Variants in KHDRBS2 observed in about 807,000 individuals in gnomAD.
The protein encoded by KHDRBS2 is KH RNA binding domain containing, signal transduction associated 2, also known as KH domain-containing, RNA-binding, signal transduction-associated protein 2.
A neutral mutation model predicts 44.3 loss-of-function variants in KHDRBS2; 26 were observed. That is an observed-to-expected ratio of 0.59 (90% CI 0.43 to 0.81). The LOEUF (loss-of-function observed/expected upper bound fraction) is 0.81. Among genes scored for constraint, KHDRBS2 ranks in the 40% least tolerant of loss-of-function variants. The pLI, the probability that KHDRBS2 is intolerant of heterozygous loss-of-function variation, is 0.00. For synonymous variants in KHDRBS2, 194 were observed against 151.1 expected (o/e 1.28, Z -2.08); for missense variants, 476 against 433.1 (o/e 1.10, Z -0.88).
At chr6:62,016,557 T>A (rs1478409671) in intron 3 of KHDRBS2, among the ~76,000 whole-genome samples, 1 of 149,086 alleles carries the variant, frequency 6.7e-6, no homozygotes, top group Non-Finnish European at 1.5e-5. Context: ...TATATTTATA[T>A]AAATATAAGA....
chr6:62,063,214 G>A (rs1471950595), intron 2 of KHDRBS2, among the ~76,000 whole-genome samples: 2 of 132,902 alleles, frequency 1.5e-5, no homozygotes, highest in Non-Finnish European at 3.4e-5. Context: ...GGAGGAACTG[G>A]TACCATTCCT....
intron 4 of KHDRBS2, among the ~76,000 whole-genome samples, chr6:61,952,919 C>A (rs901357732): frequency 2.0e-5 from 3 of 152,024 alleles, no homozygotes; most frequent in Non-Finnish European, 2.9e-5. Flanking sequence ...CACATTCTGT[C>A]TTGGGGAGCT....
chr6:62,138,168 C>T (rs567159399), intron 2 of KHDRBS2, among the ~76,000 whole-genome samples: 1 of 152,192 alleles, frequency 6.6e-6, no homozygotes, highest in Non-Finnish European at 1.5e-5. Context: ...CAATAACCTT[C>T]TGTCTTCCTT....
chr6:62,020,994 G>A (rs550323036), intron 3 of KHDRBS2, among the ~76,000 whole-genome samples: 2 of 152,070 alleles, frequency 1.3e-5, no homozygotes, highest in South Asian at 4.1e-4. Context: ...GTTCATCAAT[G>A]TTAGACTGTA....
Position 62,212,192 on chromosome 6 carries a change from C to A in KHDRBS2, c.92-34880G>T, listed in dbSNP as rs1437000736. 3.3e-5 allele frequency among the ~76,000 whole-genome samples: 5 copies of A among 152,100 alleles called. No individual in the cohort carries two copies. The East Asian group carries it at 5.8e-4, about 18-fold the overall frequency. ...AAATTCAATGTAGAACTTTCATCTC[C>A]TATATATGTTACATATATAGGTAGG... On this transcript the variant is annotated intron_variant, in intron 1 of 8. Transcript: ENST00000281156.
chr6:62,063,070 C>G (rs1049973465), intron 2 of KHDRBS2, among the ~76,000 whole-genome samples: 1 of 142,988 alleles, frequency 7.0e-6, no homozygotes, highest in Non-Finnish European at 1.5e-5. Flanking sequence ...TCTCCCAAGA[C>G]TAAACCAGGA....
intron 2 of KHDRBS2, among the ~76,000 whole-genome samples, chr6:62,113,121 A>G (rs1805403046): frequency 1.3e-5 from 2 of 152,140 alleles, no homozygotes; most frequent in South Asian, 2.1e-4. Flanking sequence ...AATTTAAGCC[A>G]AGGGAACTGT....
chr6:61,603,051 T>A, the KHDRBS2 span, among the ~76,000 whole-genome samples: 4 of 152,064 alleles, frequency 2.6e-5, no homozygotes, highest in South Asian at 8.3e-4. Flanking sequence ...CCCCTTACCA[T>A]CCCATTAAAA....
In KHDRBS2 at chr6:62,201,034, A is replaced by G. The variant is rs187529415; in HGVS notation, c.92-23722T>C. 9.5e-3 allele frequency among the ~76,000 whole-genome samples: 1,450 copies of G among 152,270 alleles called. 14 individuals are homozygous for G. The highest frequency in any genetic ancestry group is 0.017 in the Non-Finnish European group (1,133 of 68,016). Reference sequence around the variant, plus strand: ...CTCACTCATAGGTGGGACTTGAACAATGAGAACACATGGACACAGGAAGGG... The same window carrying G: ...CTCACTCATAGGTGGGACTTGAACAGTGAGAACACATGGACACAGGAAGGG... On this transcript the variant is annotated intron_variant, in intron 1 of 8. Transcript: ENST00000281156.
At chr6:61,734,878 A>G (rs952061381) in intron 6 of KHDRBS2, among the ~76,000 whole-genome samples, 11 of 152,176 alleles carry the variant, frequency 7.2e-5, no homozygotes, top group East Asian at 1.9e-4. Flanking sequence ...CATGGAGACT[A>G]TCACCTGAAG....
At chr6:61,858,414 C>T (rs932479136) in intron 6 of KHDRBS2, among the ~76,000 whole-genome samples, 1 of 151,510 alleles carries the variant, frequency 6.6e-6, no homozygotes, top group African/African-American at 2.4e-5. Context: ...TTTTATTTCT[C>T]AATATTAGTT....
chr6:61,650,035 C>T, the KHDRBS2 span, among the ~76,000 whole-genome samples: 1 of 152,132 alleles, frequency 6.6e-6, no homozygotes, highest in East Asian at 1.9e-4. Context: ...AGTTGCTCAC[C>T]AGTGTCCAGC....
At chr6:62,125,513 C>T (rs1011731297) in intron 2 of KHDRBS2, among the ~76,000 whole-genome samples, 7 of 152,158 alleles carry the variant, frequency 4.6e-5, no homozygotes, top group South Asian at 2.1e-4. Context: ...AGATACTAGC[C>T]GGGGCAGCCA....
At chr6:61,700,013 C>T (rs1768399642) in intron 7 of KHDRBS2, among the ~76,000 whole-genome samples, 1 of 151,824 alleles carries the variant, frequency 6.6e-6, no homozygotes, top group East Asian at 1.9e-4. Context: ...AACTCAGAGT[C>T]CTCATATAGG....
intron 6 of KHDRBS2, among the ~76,000 whole-genome samples, chr6:61,849,013 G>A (rs1414851296): frequency 2.0e-5 from 3 of 151,996 alleles, no homozygotes; most frequent in Non-Finnish European, 4.4e-5. Context: ...CAGGGCAACA[G>A]CTACCCAAAG....
the KHDRBS2 span, among the ~76,000 whole-genome samples, chr6:61,551,584 C>CACCAG: frequency 6.6e-6 from 1 of 152,134 alleles, no homozygotes. Flanking sequence ...CTGCATATGG[C>CACCAG]TAGCCAGTTA....
chr6:62,079,032 C>G (rs7741257), intron 2 of KHDRBS2, among the ~76,000 whole-genome samples: 76,861 of 151,636 alleles, frequency 0.51, 19,893 homozygotes, highest in Non-Finnish European at 0.55. Context: ...ATCAAGGTAG[C>G]AAAGCCCACT....
intron 1 of KHDRBS2, among the ~76,000 whole-genome samples, chr6:62,281,552 A>G (rs1396444839): frequency 4.6e-5 from 7 of 152,108 alleles, no homozygotes; most frequent in Admixed American, 3.9e-4. Flanking sequence ...CCCAGGAGGC[A>G]GAGGTTGCAG....
At position 61,681,497 on chromosome 6, in the gene KHDRBS2, C is replaced by A. The variant is rs142846607; in HGVS notation, c.953-437G>T. Among the ~76,000 whole-genome samples the A allele has an allele frequency of 2.6e-3, 392 of 151,862 alleles. 1 individual carries two copies. The highest frequency in any genetic ancestry group is 8.1e-3 in the African/African-American group (335 of 41,468). On this transcript the variant is annotated intron_variant, in intron 8 of 8. Transcript: ENST00000281156. ...AGAAAACTCTATGGGCTGGGACCTA[C>A]GGTTTGGTATTTTTCAAATACTCCC...
Sources: gnomAD v4.1 joint callset for allele counts (sites outside exome capture counted in the v4.1 genomes callset) on GRCh38, gnomAD v4.1.1 for gene constraint, MANE v1.5 for transcripts, NCBI Gene and HGNC (gene_info 2026-07-23, HGNC 2026-07-21) for gene names.